Variants in CNBD1 observed in about 807,000 individuals in gnomAD.
CNBD1 encodes the protein cyclic nucleotide-binding domain-containing protein 1.
A neutral mutation model predicts 54.4 loss-of-function variants in CNBD1; 71 were observed. The observed-to-expected ratio is 1.30, with a 90% CI of 1.08 to 1.59. CNBD1 has a LOEUF of 1.59. Among genes scored for constraint, CNBD1 ranks in the 40% most tolerant of loss-of-function variants. The probability of loss-of-function intolerance (pLI) is 0.00; values close to 1 mark genes in which losing one functional copy is unlikely to be tolerated. For missense variants in CNBD1, 659 were observed against 518.0 expected (o/e 1.27, Z -2.64); for synonymous variants, 182 against 170.7 (o/e 1.07, Z -0.51).
rs148232430 is a variant in CNBD1, at chr8:87,367,004, T to C, written c.1303+13218T>C. The stretch of plus-strand genomic sequence containing the variant: ...TCCTTAATAAGGTAGTACATTTTCC[T>C]CCCTGGGAATCCAGAGATAACTTCA... On this transcript the variant is annotated intron_variant, in intron 10 of 10. Transcript: ENST00000518476. 1.7e-3 allele frequency among the ~76,000 whole-genome samples: 258 copies of C among 152,156 alleles called. 1 individual carries two copies. Among genetic ancestry groups the C allele is most frequent in the African/African-American group, 5.8e-3 (241 of 41,548 alleles).
chr8:87,011,302 C>T (rs922327926), intron 4 of CNBD1, among the ~76,000 whole-genome samples: 3 of 151,870 alleles, frequency 2.0e-5, no homozygotes, highest in Non-Finnish European at 2.9e-5. Context: ...CTTTGGCCTC[C>T]ACCCTCGTGT....
intron 2 of CNBD1, among the ~76,000 whole-genome samples, chr8:87,409,284 G>A (rs757807502): frequency 1.3e-5 from 2 of 152,082 alleles, no homozygotes; most frequent in African/African-American, 2.4e-5. Context: ...GATCAAATAA[G>A]CCACAACACT....
chr8:86,973,149 G>A (rs530791094), intron 4 of CNBD1, among the ~76,000 whole-genome samples: 3 of 152,108 alleles, frequency 2.0e-5, no homozygotes, highest in Admixed American at 2.0e-4. Context: ...CTCTAGAATT[G>A]TATTCTGACC....
At chr8:87,020,732 A>C (rs1809471056) in intron 4 of CNBD1, among the ~76,000 whole-genome samples, 1 of 152,338 alleles carries the variant, frequency 6.6e-6, no homozygotes, top group South Asian at 2.1e-4. Context: ...TGCCCTGCAA[A>C]GTCACTTGTG....
intron 4 of CNBD1, among the ~76,000 whole-genome samples, chr8:87,185,229 T>G (rs1483458471): frequency 2.0e-5 from 3 of 152,226 alleles, no homozygotes; most frequent in Admixed American, 2.0e-4. Flanking sequence ...TGAGATTAAA[T>G]TCAAGCCTTC....
downstream of CNBD1, among the ~76,000 whole-genome samples, chr8:87,387,335 A>T (rs1311206508): frequency 6.6e-6 from 1 of 152,082 alleles, no homozygotes; most frequent in Non-Finnish European, 1.5e-5. Context: ...GCCAAGACCC[A>T]TCAATGTGCT....
At chr8:87,216,592 G>A (rs1182068850) in intron 5 of CNBD1, among the ~76,000 whole-genome samples, 1 of 151,952 alleles carries the variant, frequency 6.6e-6, no homozygotes, top group Non-Finnish European at 1.5e-5. Context: ...TTAATCCTTT[G>A]ATAGACAATC....
intron 4 of CNBD1, among the ~76,000 whole-genome samples, chr8:87,194,133 G>A (rs952476538): frequency 1.3e-5 from 2 of 152,174 alleles, no homozygotes; most frequent in Non-Finnish European, 2.9e-5. Context: ...AGAATCTAAT[G>A]ATTAATGCGC....
rs1183173357 is a variant in CNBD1 at position 87,350,344 on chromosome 8, TATAA to T, written c.1043-1337_1043-1334del. Among the ~76,000 whole-genome samples, 22 of 152,156 alleles carry T rather than the reference TATAA, an allele frequency of 1.4e-4. No homozygotes were observed. In the East Asian group the frequency reaches 4.2e-3, roughly 29 times the overall value. On this transcript the variant is annotated intron_variant, in intron 8 of 10. Coordinates refer to ENST00000518476, the MANE Select transcript of CNBD1 (RefSeq NM_173538.3). ...GTAGAATAACCTTTTAATTTTTTAT[TATAA>T]ATATTGAAGTAACTATTACATGAGG...
chr8:87,060,229 G>T (rs903599331), intron 4 of CNBD1, among the ~76,000 whole-genome samples: 1 of 152,126 alleles, frequency 6.6e-6, no homozygotes, highest in Admixed American at 6.5e-5. Flanking sequence ...CAGTTAAACC[G>T]TGCCTGAACT....
chr8:86,967,120 A>C (rs892506362), intron 4 of CNBD1, among the ~76,000 whole-genome samples: 9 of 152,186 alleles, frequency 5.9e-5, no homozygotes, highest in African/African-American at 1.9e-4. Context: ...TCTCACCAGG[A>C]GTGGAGAGAG....
chr8:87,340,643 T>C (rs1810047256), intron 8 of CNBD1, among the ~76,000 whole-genome samples: 1 of 152,116 alleles, frequency 6.6e-6, no homozygotes, highest in South Asian at 2.1e-4. Flanking sequence ...AGCTTTTCTG[T>C]CAGGAAAATT....
chr8:87,052,556 G>T (rs140984596), intron 4 of CNBD1, among the ~76,000 whole-genome samples: 22 of 152,276 alleles, frequency 1.4e-4, no homozygotes, highest in African/African-American at 5.1e-4. Flanking sequence ...GTATTCTTAA[G>T]GGGTACTGCC....
intron 4 of CNBD1, among the ~76,000 whole-genome samples, chr8:87,040,051 G>A (rs1451264560): frequency 6.8e-6 from 1 of 147,526 alleles, no homozygotes; most frequent in Non-Finnish European, 1.5e-5. Context: ...AAATAGTGAT[G>A]TTATCTCCAG....
At chr8:87,389,300 G>A (rs946103079) in intron 2 of CNBD1, among the ~76,000 whole-genome samples, 5 of 152,160 alleles carry the variant, frequency 3.3e-5, no homozygotes, top group Admixed American at 3.3e-4. Flanking sequence ...AGGAAAAGAG[G>A]AAGTCAAATT....
At chr8:87,365,076 C>T (rs1041198945) in intron 10 of CNBD1, among the ~76,000 whole-genome samples, 5 of 152,040 alleles carry the variant, frequency 3.3e-5, no homozygotes, top group Non-Finnish European at 7.4e-5. Flanking sequence ...ACACTGCTTT[C>T]TATAATGGTT....
intron 4 of CNBD1, among the ~76,000 whole-genome samples, chr8:87,151,421 G>A (rs749710070): frequency 7.2e-5 from 11 of 152,140 alleles, no homozygotes; most frequent in Non-Finnish European, 1.2e-4. Flanking sequence ...AGTAATACAA[G>A]TATATAGCAT....
chr8:87,177,065 A>G (rs906063369), intron 4 of CNBD1, among the ~76,000 whole-genome samples: 1 of 152,188 alleles, frequency 6.6e-6, no homozygotes, highest in Non-Finnish European at 1.5e-5. Flanking sequence ...AATACCAACT[A>G]TATAAATGTA....
At chr8:87,048,380 T>A (rs1472161814) in intron 4 of CNBD1, among the ~76,000 whole-genome samples, 2 of 152,158 alleles carry the variant, frequency 1.3e-5, no homozygotes, top group Non-Finnish European at 2.9e-5. Flanking sequence ...AGGCAGTGCT[T>A]CTCACCTGTA....
Sources: allele counts gnomAD v4.1 joint callset (sites outside exome capture counted in the v4.1 genomes callset), GRCh38; gene constraint gnomAD v4.1.1; transcripts MANE v1.5; gene names NCBI Gene and HGNC (gene_info 2026-07-23, HGNC 2026-07-21).